TJP1: variants seen among roughly 807,000 people sequenced by gnomAD.
TJP1 encodes the protein tight junction protein ZO-1.
In TJP1, 43 loss-of-function variants were observed where a neutral mutation model predicts 194.2. The observed-to-expected ratio is 0.22, with a 90% confidence interval of 0.17 to 0.29. The LOEUF is 0.29. Ranked by LOEUF, TJP1 falls within the 10% of genes least tolerant of loss-of-function variation. The pLI is 1.00. For missense variants in TJP1, 1,971 were observed against 2,185.7 expected (o/e 0.90, Z 1.96); for synonymous variants, 801 against 779.0 (o/e 1.03, Z -0.47).
At position 29,701,520 on chromosome 15, in the gene TJP1, A is replaced by G. The variant is rs1555382221; in HGVS notation, c.*75T>C. 2.4e-6 allele frequency: 3 copies of G among 1,242,344 alleles called. No individual in the cohort carries two copies. Among genetic ancestry groups the G allele is most frequent in the Non-Finnish European group, 3.5e-6 (3 of 857,884 alleles). The allele number at this position is 1,242,344 out of a possible 1,614,324, so 77.0% of individuals were successfully genotyped here. On this transcript the variant is annotated 3_prime_UTR_variant, in exon 28 of 28. Coordinates refer to ENST00000614355, the MANE Select transcript of TJP1 (RefSeq NM_001330239.4). ...TAGTATCAACTCTAAAAAAGGTATA[A>G]TACTTGATAGAGTGGTTCCATTTAG...
At chr15:29,772,579 T>C (rs2046761477) in intron 3 of TJP1, among the ~76,000 whole-genome samples, 1 of 152,180 alleles carries the variant, frequency 6.6e-6, no homozygotes, top group African/African-American at 2.4e-5. Flanking sequence ...CTAGTGTATT[T>C]TGTGTTTCTC....
intron 2 of TJP1, among the ~76,000 whole-genome samples, chr15:29,905,447 T>C (rs2053775671): frequency 6.6e-6 from 1 of 152,220 alleles, no homozygotes; most frequent in Non-Finnish European, 1.5e-5. Context: ...GGGAAGATAG[T>C]TTGGCAGTTT....
intron 4 of TJP1, among the ~76,000 whole-genome samples, chr15:29,771,049 C>T (rs2046638275): frequency 6.6e-6 from 1 of 152,142 alleles, no homozygotes. Context: ...GTGCACTAAA[C>T]AGGCATATAA....
intron 2 of TJP1, among the ~76,000 whole-genome samples, chr15:29,863,267 G>T (rs1432811040): frequency 6.6e-6 from 1 of 151,730 alleles, no homozygotes; most frequent in African/African-American, 2.4e-5. Context: ...CTGCACTCCA[G>T]CCTGGGCGAC....
At chr15:29,931,937 T>C (rs1719364) in intron 2 of TJP1, among the ~76,000 whole-genome samples, 4,589 of 152,310 alleles carry the variant, frequency 0.03, 210 homozygotes, top group African/African-American at 0.098. Context: ...AACTTCCTGA[T>C]GTTGCTATGG....
At chr15:29,835,684 C>G (rs2051002730) in intron 2 of TJP1, among the ~76,000 whole-genome samples, 1 of 152,024 alleles carries the variant, frequency 6.6e-6, no homozygotes, top group South Asian at 2.1e-4. Context: ...ACATGATACT[C>G]TAACATGTAG....
chr15:29,789,469 C>T (rs532127969), intron 2 of TJP1, among the ~76,000 whole-genome samples: 3 of 151,924 alleles, frequency 2.0e-5, no homozygotes, highest in Admixed American at 1.3e-4. Context: ...AATTCCAGGG[C>T]CCACAAGAGT....
intron 2 of TJP1, among the ~76,000 whole-genome samples, chr15:29,790,190 T>C (rs184495715): frequency 6.6e-6 from 1 of 152,354 alleles, no homozygotes; most frequent in Admixed American, 6.5e-5. Flanking sequence ...ACTTATTTAC[T>C]ATCTGGCTCT....
intron 2 of TJP1, among the ~76,000 whole-genome samples, chr15:29,780,127 C>T (rs994792754): frequency 2.0e-5 from 3 of 152,120 alleles, no homozygotes; most frequent in South Asian, 2.1e-4. Context: ...TTCCACAGAC[C>T]GGCAGGTGGA....
chr15:29,703,690 T>G (rs1225915613), intron 27 of TJP1, among the ~76,000 whole-genome samples: 1 of 152,040 alleles, frequency 6.6e-6, no homozygotes, highest in Non-Finnish European at 1.5e-5. Flanking sequence ...TTGCCCAGGC[T>G]GGAGTGCAGT....
chr15:29,780,269 T>C (rs556139892), intron 2 of TJP1, among the ~76,000 whole-genome samples: 168 of 152,148 alleles, frequency 1.1e-3, no homozygotes, highest in Non-Finnish European at 2.0e-3. Flanking sequence ...AGCCCTGAGC[T>C]AGTTTTCCTG....
chr15:29,965,410 C>T (rs965462197), intron 1 of TJP1, among the ~76,000 whole-genome samples: 3 of 152,066 alleles, frequency 2.0e-5, no homozygotes, highest in African/African-American at 2.4e-5. Context: ...CAGGGTTTCA[C>T]CATATTGACC....
chr15:29,759,888 T>C (rs2045887816), intron 8 of TJP1: 2 of 294,128 alleles, frequency 6.8e-6, no homozygotes, highest in Admixed American at 1.0e-4. Flanking sequence ...GTTGACTCCA[T>C]ACCTTGGCTA....
At chr15:29,834,472 C>T (rs1415968277) in intron 2 of TJP1, among the ~76,000 whole-genome samples, 1 of 152,154 alleles carries the variant, frequency 6.6e-6, no homozygotes, top group Non-Finnish European at 1.5e-5. Flanking sequence ...CCTGCCTTGG[C>T]CTCCCAGAGT....
upstream of TJP1, chr15:29,823,854 G>A (rs7171815): frequency 0.79 from 120,476 of 151,708 alleles, 48,333 homozygotes; most frequent in East Asian, 0.86. Flanking sequence ...TTGGGAGGCC[G>A]AGGCGAGCGG....
intron 2 of TJP1, among the ~76,000 whole-genome samples, chr15:29,833,519 G>A (rs1046865125): frequency 1.3e-5 from 2 of 151,616 alleles, no homozygotes; most frequent in African/African-American, 2.4e-5. Flanking sequence ...TCAGCCTCCC[G>A]AGTAGCTGAA....
intron 2 of TJP1, among the ~76,000 whole-genome samples, chr15:29,856,514 TTA>T (rs574492596): frequency 2.6e-4 from 40 of 152,292 alleles, no homozygotes; most frequent in Middle Eastern, 3.4e-3. Context: ...TCTTCTGGAA[TTA>T]TAGTTATATT....
At chr15:29,868,054 T>C (rs559363220) in intron 2 of TJP1, among the ~76,000 whole-genome samples, 1 of 48,356 alleles carries the variant, frequency 2.1e-5, no homozygotes, top group African/African-American at 6.4e-5. Context: ...TAAGATTCTG[T>C]CTCAAAAAAA....
At chr15:29,779,941 T>C (rs2047252480) in intron 2 of TJP1, among the ~76,000 whole-genome samples, 1 of 143,670 alleles carries the variant, frequency 7.0e-6, no homozygotes, top group Non-Finnish European at 1.5e-5. Flanking sequence ...AGCCATATTC[T>C]AAAACAAACA....
Sources: allele counts gnomAD v4.1 joint callset (sites outside exome capture counted in the v4.1 genomes callset), GRCh38; gene constraint gnomAD v4.1.1; transcripts MANE v1.5; gene names NCBI Gene and HGNC (gene_info 2026-07-23, HGNC 2026-07-21).